RIMBP2: variants seen among roughly 807,000 people sequenced by gnomAD.
RIMBP2 encodes RIMS binding protein 2, also known as RIMS-binding protein 2.
Under a neutral mutation model 118.6 loss-of-function variants are expected in RIMBP2, and 48 were observed. The ratio of observed to expected loss-of-function variants is 0.40; its 90% CI spans 0.32 to 0.51. RIMBP2 has a LOEUF of 0.51. Ranked by LOEUF, RIMBP2 falls within the 20% of genes least tolerant of loss-of-function variation. The pLI is 0.41. For synonymous variants in RIMBP2, 762 were observed against 742.9 expected (o/e 1.03, Z -0.42); for missense variants, 1,551 against 1,768.3 (o/e 0.88, Z 2.20).
At position 130,578,270 on chromosome 12, in the gene RIMBP2, A is replaced by G. The variant is rs953716364; in HGVS notation, c.-217+50052T>C. 6.6e-6 allele frequency among the ~76,000 whole-genome samples: 1 copy of G among 152,162 alleles called. No homozygotes were observed. The highest frequency in any genetic ancestry group is 1.5e-5 in the Non-Finnish European group (1 of 68,016). On this transcript the variant is annotated intron_variant, in intron 2 of 22. Transcript: ENST00000690449. The surrounding 1 kb of genome is among the most constrained non-coding windows in gnomAD (Gnocchi z 4.1). The stretch of plus-strand genomic sequence containing the variant: ...CTGAACCTTCCTGTTCTCTGCCTCT[A>G]CTGGCCTCTGGTCTACCCAATGCCT...
rs2076283772 is a variant in RIMBP2, at chr12:130,419,371, G to A, written c.3238+3082C>T. 1.3e-5 allele frequency among the ~76,000 whole-genome samples: 2 copies of A among 152,154 alleles called. No individual in the cohort carries two copies. The highest frequency in any genetic ancestry group is 1.3e-4 in the Admixed American group (2 of 15,280). ...ATCAGGGCTCATGCCTGGACGCCTG[G>A]GTGGGCTCCCAAATCCACTGGTGCC... On this transcript the variant is annotated intron_variant, in intron 17 of 22. Transcript: ENST00000690449. The surrounding 1 kb of genome is among the most constrained non-coding windows in gnomAD (Gnocchi z 4.3).
intron 6 of RIMBP2, among the ~76,000 whole-genome samples, chr12:130,461,624 G>T (rs1475514385): frequency 6.6e-6 from 1 of 152,132 alleles, no homozygotes; most frequent in Non-Finnish European, 1.5e-5. Flanking sequence ...GGAGGTGTCT[G>T]GGTCCTGGGG....
At chr12:130,433,876 G>A (rs1490991301) in intron 14 of RIMBP2, among the ~76,000 whole-genome samples, 1 of 152,222 alleles carries the variant, frequency 6.6e-6, no homozygotes, top group African/African-American at 2.4e-5. Flanking sequence ...CCTGTGATGT[G>A]GGGTAATTAA....
At position 130,412,661 on chromosome 12, in the gene RIMBP2, T is replaced by C; in HGVS notation, c.3547A>G (p.Arg1183Gly). The C allele has an allele frequency of 6.2e-7, 1 of 1,614,040 alleles. No individual in the cohort carries two copies. The highest frequency in any genetic ancestry group is 1.1e-5 in the South Asian group (1 of 91,070). The change falls in exon 19 of 23, where the codon AGA becomes GGA. Residue 1183 changes from arginine (R) to glycine (G), a missense_variant. By Grantham distance (125) the Arg-to-Gly change is moderately radical. Around this residue, in one of 5 missense-constraint regions of RIMBP2, gnomAD observed 1,038 missense variants for 1,125.1 expected, o/e 0.92. Coordinates refer to ENST00000690449, the MANE Select transcript of RIMBP2 (RefSeq NM_001393629.1). ...GTATTCAGAGGGAGAAAGCCCTGTC[T>C]AAGAAGCTGATCCATCATCTCCTCA... is the stretch of plus-strand genomic sequence containing the variant. ...DDEEMMDQLL[R>G]QGFLPLNTPV...
intron 1 of RIMBP2, among the ~76,000 whole-genome samples, chr12:130,641,251 G>A (rs1397910691): frequency 6.6e-6 from 1 of 152,176 alleles, no homozygotes; most frequent in Non-Finnish European, 1.5e-5. Flanking sequence ...TGACCGCACT[G>A]CAAGGGCCAG....
At chr12:130,476,002 T>A (rs1290815519) in intron 5 of RIMBP2, among the ~76,000 whole-genome samples, 1 of 152,026 alleles carries the variant, frequency 6.6e-6, no homozygotes, top group Non-Finnish European at 1.5e-5. Flanking sequence ...GAGGTGGTGC[T>A]GAAACCCATG....
intron 2 of RIMBP2, among the ~76,000 whole-genome samples, chr12:130,571,207 T>TG (rs542156825): frequency 7.0e-5 from 5 of 71,376 alleles, no homozygotes; most frequent in African/African-American, 1.1e-4. Flanking sequence ...TTACTAGAGA[T>TG]GGGGGGGAGA....
chr12:130,494,470 C>T (rs573172695), intron 4 of RIMBP2, among the ~76,000 whole-genome samples: 80 of 152,066 alleles, frequency 5.3e-4, no homozygotes, highest in Non-Finnish European at 7.2e-4. Flanking sequence ...GAAACCCCGT[C>T]TCTACTCAAA....
At chr12:130,544,596 CTTTT>C (rs35041449) in intron 2 of RIMBP2, among the ~76,000 whole-genome samples, 1 of 100,522 alleles carries the variant, frequency 9.9e-6, no homozygotes. Flanking sequence ...AACTGGAGGC[CTTTT>C]TTTTTTTTTT....
intron 5 of RIMBP2, among the ~76,000 whole-genome samples, chr12:130,471,311 G>A (rs1297309455): frequency 1.3e-5 from 2 of 152,234 alleles, no homozygotes; most frequent in African/African-American, 2.4e-5. Context: ...CAGGCAAAGG[G>A]CAGATTCAAG....
intron 1 of RIMBP2, among the ~76,000 whole-genome samples, chr12:130,675,536 TCCACCCCCATGCCTCCAGGCC>T (rs2064418367): frequency 0.03 from 8 of 268 alleles, no homozygotes; most frequent in Non-Finnish European, 0.097. Context: ...CTCCCTTCCG[TCCACCCCCATGCCTCCAGGCC>T]GTCCACCCCC....
chr12:130,437,661 G>A (rs947300508), intron 12 of RIMBP2, among the ~76,000 whole-genome samples: 5 of 152,220 alleles, frequency 3.3e-5, no homozygotes, highest in Non-Finnish European at 2.9e-5. Context: ...AGAGGCCAAC[G>A]TGGGCTTCCG....
intron 6 of RIMBP2, among the ~76,000 whole-genome samples, chr12:130,462,310 G>A (rs2080067546): frequency 6.6e-6 from 1 of 152,182 alleles, no homozygotes; most frequent in African/African-American, 2.4e-5. Flanking sequence ...CAGACAAGCT[G>A]GGCGATGCAT....
At chr12:130,495,061 G>A (rs1398451391) in intron 4 of RIMBP2, among the ~76,000 whole-genome samples, 2 of 152,120 alleles carry the variant, frequency 1.3e-5, no homozygotes, top group African/African-American at 2.4e-5. Context: ...CTTCTTATAA[G>A]GACAACAGTC....
At chr12:130,500,254 T>C (rs1468558652) in intron 4 of RIMBP2, among the ~76,000 whole-genome samples, 1 of 152,140 alleles carries the variant, frequency 6.6e-6, no homozygotes, top group African/African-American at 2.4e-5. Context: ...GGTCAGGAGT[T>C]CGAGACCAGC....
At chr12:130,448,768 C>T (rs1232413885) in intron 9 of RIMBP2, among the ~76,000 whole-genome samples, 3 of 152,238 alleles carry the variant, frequency 2.0e-5, no homozygotes, top group African/African-American at 7.2e-5. Context: ...TCACATCTGC[C>T]TGGGCTGGAT....
intron 1 of RIMBP2, among the ~76,000 whole-genome samples, chr12:130,707,218 A>G (rs2066164765): frequency 6.6e-6 from 1 of 152,110 alleles, no homozygotes; most frequent in South Asian, 2.1e-4. Flanking sequence ...AGAACTTCCA[A>G]CTGCCAGTCG....
intron 2 of RIMBP2, among the ~76,000 whole-genome samples, chr12:130,562,747 C>T (rs1404256708): frequency 1.3e-5 from 2 of 152,182 alleles, no homozygotes; most frequent in Admixed American, 6.5e-5. Flanking sequence ...AAAACAACAG[C>T]AGCTGGAGTT....
At chr12:130,714,696 A>C (rs1047381359) in intron 1 of RIMBP2, among the ~76,000 whole-genome samples, 1 of 150,460 alleles carries the variant, frequency 6.6e-6, no homozygotes, top group Non-Finnish European at 1.5e-5. Context: ...ACGCCCCACC[A>C]CCCCCCACTG....
Sources: allele counts gnomAD v4.1 joint callset (sites outside exome capture counted in the v4.1 genomes callset), GRCh38; gene constraint gnomAD v4.1.1; regional missense constraint gnomAD v4.1.1; non-coding constraint Gnocchi (gnomAD v3.1); transcripts MANE v1.5; gene names NCBI Gene and HGNC (gene_info 2026-07-23, HGNC 2026-07-21).